The following MIF4GD variants were observed in gnomAD, a reference collection of about 807,000 sequenced individuals.
The protein encoded by MIF4GD is MIF4G domain-containing protein.
Under a neutral mutation model 26.7 loss-of-function variants are expected in MIF4GD, and 22 were observed. That is an observed-to-expected ratio of 0.82 (90% CI 0.59 to 1.18). MIF4GD has a LOEUF of 1.18. MIF4GD is among the 50% of genes most tolerant of loss of function. The pLI, the probability that MIF4GD is intolerant of heterozygous loss-of-function variation, is 0.00. For synonymous variants in MIF4GD, 137 were observed against 111.6 expected (o/e 1.23, Z -1.43); for missense variants, 262 against 279.6 (o/e 0.94, Z 0.45).
At position 75,271,229 on chromosome 17, in the gene MIF4GD, C is replaced by T. The variant is rs535887530; in HGVS notation, c.-136G>A. On this transcript the variant is annotated 5_prime_UTR_variant, in exon 1 of 6. Transcript: ENST00000325102. This position sits in a 1 kb window ranked among gnomAD's most constrained non-coding sequence, Gnocchi z 4.2. ...CAGCGTCCGGCGCTGCGGGGCCCGC[C>T]GTGAGCTCATCTCCTCGCGCGGCGC... 1.3e-5 allele frequency: 2 copies of T among 150,502 alleles called. No homozygotes were observed. Among genetic ancestry groups the T allele is most frequent in the African/African-American group, 2.4e-5 (1 of 41,252 alleles). The allele number at this position is 150,502 out of a possible 1,614,324, so 9.3% of individuals were successfully genotyped here. A position where few individuals can be genotyped will look rare whatever the true frequency, so the allele number is the denominator to read the frequency against.
intron 2 of MIF4GD, 56 bp from the exon 3 acceptor site, chr17:75,268,248 C>T: frequency 7.5e-7 from 1 of 1,330,754 alleles, no homozygotes; most frequent in Non-Finnish European, 1.1e-6. Context: ...CATTTGTGTC[C>T]ACCCGCTTCT....
Position 75,267,747 on chromosome 17 carries a change from C to T in MIF4GD, c.347G>A (p.Arg116Lys). The T allele has an allele frequency of 6.2e-7, 1 of 1,613,140 alleles. No individual in the cohort carries two copies. The highest frequency in any genetic ancestry group is 8.5e-7 in the Non-Finnish European group (1 of 1,179,384). ...TFICNIFDYL[R>K]VNNMPMMALV... ...CCAGGGTGGCTGCCGGGGCCTCACC[C>T]TCAGGTAGTCAAAGATGTTGCAGAT... Residue 116 changes from arginine to lysine, a missense_variant and splice_region_variant, in exon 4 of 6, where the codon AGG (arginine) becomes AAG (lysine). By Grantham distance (26) the Arg-to-Lys change is conservative (BLOSUM62 2). Coordinates refer to ENST00000325102, the MANE Select transcript of MIF4GD (RefSeq NM_001370592.1).
intron 2 of MIF4GD, 69 bp from the exon 3 acceptor site, chr17:75,268,261 G>A (rs911434306): frequency 8.2e-7 from 1 of 1,215,574 alleles, no homozygotes; most frequent in African/African-American, 1.5e-5. Flanking sequence ...CCGCTTCTAA[G>A]AATTTGAGAT....
At position 75,266,447 on chromosome 17, in the gene MIF4GD, A is replaced by G. The variant is rs2077487008; in HGVS notation, c.*293T>C. 3 of 481,118 alleles carry G rather than the reference A, an allele frequency of 6.2e-6. No individual in the cohort carries two copies. Among genetic ancestry groups the G allele is most frequent in the Non-Finnish European group, 7.6e-6 (2 of 261,846 alleles). The allele number at this position is 481,118 out of a possible 1,614,324, so 29.8% of individuals were successfully genotyped here. Reference sequence around the variant, plus strand: ...GTGGCTATGCTTACCCATTTTACAGATGGGTAAACTGAGGCACCAAGGTAG... The same window carrying G: ...GTGGCTATGCTTACCCATTTTACAGGTGGGTAAACTGAGGCACCAAGGTAG... On this transcript the variant is annotated 3_prime_UTR_variant, in exon 6 of 6. Coordinates refer to ENST00000325102, the MANE Select transcript of MIF4GD (RefSeq NM_001370592.1).
intron 2 of MIF4GD, among the ~76,000 whole-genome samples, chr17:75,269,193 TGACCAG>T (rs1567824494): frequency 6.6e-6 from 1 of 152,230 alleles, no homozygotes; most frequent in African/African-American, 2.4e-5. Flanking sequence ...GAAGGAATAC[TGACCAG>T]GACATGCCTC....
rs143021436 is a variant in MIF4GD, at chr17:75,266,802, C to T, written c.607G>A (p.Ala203Thr). 2.5e-6 allele frequency: 4 copies of T among 1,614,086 alleles called. No individual in the cohort carries two copies. The highest frequency in any genetic ancestry group is 3.4e-6 in the Non-Finnish European group (4 of 1,180,046). The change falls in exon 6 of 6, where the codon GCG becomes ACG. Residue 203 changes from alanine to threonine, a missense_variant. Transcript: ENST00000325102. ...LLLLEIIEFR[A>T]AGWKTTPAAH... Reference sequence around the variant, plus strand: ...GCTGGCGTTGTCTTCCAGCCGGCCGCCCGGAACTCAATGATCTCCAGCAGC... The same window carrying T: ...GCTGGCGTTGTCTTCCAGCCGGCCGTCCGGAACTCAATGATCTCCAGCAGC...
At chr17:75,267,694 G>A (rs2077547877) in intron 4 of MIF4GD, 52 bp downstream of exon 4, 1 of 1,612,550 alleles carries the variant, frequency 6.2e-7, no homozygotes, top group South Asian at 1.1e-5. Context: ...TCCAACCTGG[G>A]CCTCAGGAAA....
In MIF4GD at chr17:75,270,349, C is replaced by T. The variant is rs974608537; in HGVS notation, c.-50-104G>A. 5 of 650,266 alleles carry T rather than the reference C, an allele frequency of 7.7e-6. No individual in the cohort carries two copies. In the East Asian group the frequency reaches 1.4e-4, roughly 18 times the overall value. The allele number at this position is 650,266 out of a possible 1,614,324, so 40.3% of individuals were successfully genotyped here. ...TGACGGCGCGCTCGGGACAGGGACT[C>T]CTGGGCGGTCCGTGGCGTGCGGTGG... On this transcript the variant is annotated intron_variant, in intron 1 of 5. Coordinates refer to ENST00000325102, the MANE Select transcript of MIF4GD (RefSeq NM_001370592.1). The surrounding 1 kb of genome is among the most constrained non-coding windows in gnomAD (Gnocchi z 5.7).
Position 75,270,997 on chromosome 17 carries a change from T to C in MIF4GD, c.-51+147A>G, listed in dbSNP as rs1342962962. On this transcript the variant is annotated intron_variant, in intron 1 of 5. Coordinates refer to ENST00000325102, the MANE Select transcript of MIF4GD (RefSeq NM_001370592.1). The surrounding 1 kb of genome is among the most constrained non-coding windows in gnomAD (Gnocchi z 5.7). Reference sequence around the variant, plus strand: ...GTGGCTCCCGCCGGAGGCTCCCCTCTGGCCGTAGGAGGCGCCTTTAGGGTC... The same window carrying C: ...GTGGCTCCCGCCGGAGGCTCCCCTCCGGCCGTAGGAGGCGCCTTTAGGGTC... The C allele has an allele frequency of 6.6e-6, 1 of 152,120 alleles. No individual in the cohort carries two copies. The highest frequency in any genetic ancestry group is 1.5e-5 in the Non-Finnish European group (1 of 68,006). 9.4% of individuals were successfully genotyped at this position (152,120 alleles called of 1,614,324 possible).
intron 5 of MIF4GD, 105 bp downstream of exon 5, chr17:75,267,433 G>T: frequency 8.8e-7 from 1 of 1,136,746 alleles, no homozygotes; most frequent in Non-Finnish European, 1.3e-6. Context: ...CCCCAGAAGT[G>T]ACACAGTCCT....
intron 5 of MIF4GD, among the ~76,000 whole-genome samples, chr17:75,267,280 T>G (rs1347757600): frequency 6.6e-6 from 1 of 152,220 alleles, no homozygotes; most frequent in Non-Finnish European, 1.5e-5. Flanking sequence ...AGCCATGGCT[T>G]GCACAGCTGC....
chr17:75,267,344 G>A (rs1269049891), intron 5 of MIF4GD, 194 bp downstream of exon 5: 15 of 619,346 alleles, frequency 2.4e-5, no homozygotes, highest in Non-Finnish European at 2.3e-5. Flanking sequence ...AGTAGGTTTT[G>A]GCTGCTCTCT....
At chr17:75,268,885 C>A (rs2145681528) in intron 2 of MIF4GD, among the ~76,000 whole-genome samples, 1 of 148,496 alleles carries the variant, frequency 6.7e-6, no homozygotes, top group African/African-American at 2.5e-5. Context: ...GCCCCTGTAA[C>A]CCCAGCTACT....
Position 75,266,760 on chromosome 17 carries a change from A to G in MIF4GD, c.649T>C (p.Tyr217His). Residue 217 changes from tyrosine to histidine, a missense_variant, in exon 6 of 6, where the codon TAC becomes CAC. Transcript: ENST00000325102. ...GAGGCCTAGTCGGAGACTTCGCTGT[A>G]GTAATACTTGTGGGCAGCTGGCGTT... is the stretch of plus-strand genomic sequence containing the variant. ...KTTPAAHKYY[Y>H]SEVSD 6.2e-7 allele frequency: 1 copy of G among 1,614,212 alleles called. No individual in the cohort carries two copies. The highest frequency in any genetic ancestry group is 8.5e-7 in the Non-Finnish European group (1 of 1,180,032).
At chr17:75,269,205 G>T in intron 2 of MIF4GD, 3 of 805,554 alleles carry the variant, frequency 3.7e-6, no homozygotes, top group Non-Finnish European at 5.7e-6. Context: ...ACCAGGACAT[G>T]CCTCCAACAG....
rs777207640 is a variant in MIF4GD, at chr17:75,267,938, C to T, written c.193-37G>A. On this transcript the variant is annotated intron_variant, in intron 3 of 5. Coordinates refer to ENST00000325102, the MANE Select transcript of MIF4GD (RefSeq NM_001370592.1). ...GGAGAGGAAGGTGAAGGGTGGGGGG[C>T]GGTGCCCCTGTAACCCCACCCATCC... 24 of 1,601,500 alleles carry T rather than the reference C, an allele frequency of 1.5e-5. 1 individual carries two copies. In the Admixed American group the frequency reaches 2.7e-4, roughly 18 times the overall value.
intron 5 of MIF4GD, 88 bp downstream of exon 5, chr17:75,267,450 C>T (rs1267222504): frequency 3.8e-6 from 5 of 1,319,852 alleles, no homozygotes; most frequent in South Asian, 3.7e-5. Flanking sequence ...TCCTCAGAGA[C>T]CTCCGTGAGC....
At position 75,267,739 on chromosome 17, in the gene MIF4GD, G is replaced by T. The variant is rs947013730; in HGVS notation, c.348+7C>A. 6.2e-6 allele frequency: 10 copies of T among 1,612,306 alleles called. No individual in the cohort carries two copies. The highest frequency in any genetic ancestry group is 6.8e-6 in the Non-Finnish European group (8 of 1,178,874). The stretch of plus-strand genomic sequence containing the variant: ...TCTGCCTCCCAGGGTGGCTGCCGGG[G>T]CCTCACCCTCAGGTAGTCAAAGATG... On this transcript the variant is annotated splice_region_variant and intron_variant, in intron 4 of 5. Coordinates refer to ENST00000325102, the MANE Select transcript of MIF4GD (RefSeq NM_001370592.1).
Position 75,267,980 on chromosome 17 carries a change from T to C in MIF4GD, c.193-79A>G, listed in dbSNP as rs1900902166. On this transcript the variant is annotated intron_variant, in intron 3 of 5. Coordinates refer to ENST00000325102, the MANE Select transcript of MIF4GD (RefSeq NM_001370592.1). ...CACCCATCCTATGCCTCTCTCTCTC[T>C]TTGAGCTAGACCCTGTGCATCTCTG... is the stretch of plus-strand genomic sequence containing the variant. 7 of 1,598,884 alleles carry C rather than the reference T, an allele frequency of 4.4e-6. 1 individual carries two copies. In the Middle Eastern group the frequency reaches 5.9e-4, roughly 134 times the overall value.
Sources: allele counts gnomAD v4.1 joint callset (sites outside exome capture counted in the v4.1 genomes callset), GRCh38; gene constraint gnomAD v4.1.1; non-coding constraint Gnocchi (gnomAD v3.1); transcripts MANE v1.5; gene names NCBI Gene and HGNC (gene_info 2026-07-23, HGNC 2026-07-21).